CLDN16: variants seen among roughly 807,000 people sequenced by gnomAD.
CLDN16 encodes the protein claudin 16, also known as claudin-16.
In CLDN16, 13 loss-of-function variants were observed where a neutral mutation model predicts 24.6. The observed-to-expected ratio is 0.53, with a 90% CI of 0.34 to 0.84. CLDN16 has a LOEUF of 0.84. CLDN16 is among the 40% of genes least tolerant of loss of function. The pLI, the probability that CLDN16 is intolerant of heterozygous loss-of-function variation, is 0.01. For synonymous variants in CLDN16, 116 were observed against 106.7 expected, an observed-to-expected ratio of 1.09 and a Z score of -0.54; for missense variants, 298 against 292.7, an observed-to-expected ratio of 1.02 and a Z score of -0.13.
At chr3:190,384,085 A>G (rs902902415), upstream of CLDN16, among the ~76,000 whole-genome samples, 1 of 152,188 alleles carries the variant, frequency 6.6e-6, no homozygotes, top group Non-Finnish European at 1.5e-5. Flanking sequence ...AGTCAGCCTG[A>G]CTATGAGGTC....
intron 1 of CLDN16, among the ~76,000 whole-genome samples, chr3:190,327,001 G>A: frequency 6.6e-6 from 1 of 152,062 alleles, no homozygotes; most frequent in East Asian, 1.9e-4. Flanking sequence ...TTATTAGTGG[G>A]AGTTCTCCAA....
the CLDN16 span, among the ~76,000 whole-genome samples, chr3:190,291,056 T>G: frequency 6.6e-6 from 1 of 152,148 alleles, no homozygotes; most frequent in Non-Finnish European, 1.5e-5. Context: ...AGGTGACATT[T>G]GAGCATAATG....
chr3:190,331,043 G>A (rs1560079936), intron 1 of CLDN16, among the ~76,000 whole-genome samples: 1 of 152,146 alleles, frequency 6.6e-6, no homozygotes, highest in African/African-American at 2.4e-5. Context: ...AGGACAGAGT[G>A]CAACATTGCA....
the CLDN16 span, among the ~76,000 whole-genome samples, chr3:190,292,104 G>A: frequency 3.3e-5 from 5 of 152,098 alleles, no homozygotes; most frequent in African/African-American, 1.2e-4. Context: ...CTCTGTGTGG[G>A]GCCTCCAACC....
chr3:190,292,286 C>T, the CLDN16 span, among the ~76,000 whole-genome samples: 21 of 152,318 alleles, frequency 1.4e-4, no homozygotes, highest in East Asian at 1.9e-4. Context: ...CACAACAGCA[C>T]GTGAAAGTCA....
At chr3:190,322,063 C>T, upstream of CLDN16, 1 of 1,614,198 alleles carries the variant, frequency 6.2e-7, no homozygotes, top group Non-Finnish European at 8.5e-7. Context: ...TCCACAGCCC[C>T]TCGTACATGG....
At chr3:190,341,839 C>G (rs182490629) in intron 1 of CLDN16, among the ~76,000 whole-genome samples, 1 of 152,268 alleles carries the variant, frequency 6.6e-6, no homozygotes, top group Admixed American at 6.5e-5. Flanking sequence ...TTAAAAATTT[C>G]TTTCACCGGA....
chr3:190,359,005 G>C lies in CLDN16; in HGVS notation n.122-11888G>C, dbSNP rs115697026. Among the ~76,000 whole-genome samples the C allele has an allele frequency of 2.7e-3, 406 of 151,990 alleles. 4 individuals carry two copies. The highest frequency in any genetic ancestry group is 9.5e-3 in the African/African-American group (396 of 41,518). On this transcript the variant is annotated intron_variant and non_coding_transcript_variant, in intron 1 of 4. Transcript: ENST00000468220. ...AATAAAATTATTCAAATTGCAGAAGGCTTCATTCTGGGCTTTCTGATATTC... is the reference window on the plus strand; with the variant it reads ...AATAAAATTATTCAAATTGCAGAAGCCTTCATTCTGGGCTTTCTGATATTC...
intron 1 of CLDN16, among the ~76,000 whole-genome samples, chr3:190,335,666 C>T (rs1343840411): frequency 7.6e-6 from 1 of 132,340 alleles, no homozygotes; most frequent in South Asian, 2.4e-4. Flanking sequence ...GAGCCGAGAT[C>T]GTGCCACTGC....
chr3:190,316,543 T>C, the CLDN16 span, among the ~76,000 whole-genome samples: 2 of 152,234 alleles, frequency 1.3e-5, no homozygotes, highest in Non-Finnish European at 2.9e-5. Context: ...AAGTGTTTTA[T>C]GTGCAGATCA....
rs57246894 is a variant in CLDN16, at chr3:190,348,335, A to ATGTGTGTGTGTG, written n.122-22539_122-22528dup. Among the ~76,000 whole-genome samples, 195 of 138,444 alleles carry ATGTGTGTGTGTG rather than the reference A, an allele frequency of 1.4e-3. 1 individual carries two copies. The highest frequency in any genetic ancestry group is 2.4e-3 in the Non-Finnish European group (152 of 64,514). The allele number at this position is 138,444 out of a possible 152,430, so 90.8% of individuals were successfully genotyped here. Reference sequence around the variant, plus strand: ...TGTCAAGGAAGACAGCAAGACTGCAATGTGTGTGTGTGTGTGTGTGTGTGT... The same window carrying ATGTGTGTGTGTG: ...TGTCAAGGAAGACAGCAAGACTGCAATGTGTGTGTGTGTGTGTGTGTGTGTGTGTGTGTGTGT... On this transcript the variant is annotated intron_variant and non_coding_transcript_variant, in intron 1 of 4. Coordinates refer to the CLDN16 transcript ENST00000468220.
the CLDN16 span, among the ~76,000 whole-genome samples, chr3:190,298,348 T>TACACACACAC: frequency 0.11 from 16,457 of 147,832 alleles, 988 homozygotes; most frequent in East Asian, 0.16. Flanking sequence ...ATGTATATTA[T>TACACACACAC]ACACACACAC....
chr3:190,370,395 T>A (rs2108646880), intron 1 of CLDN16, among the ~76,000 whole-genome samples: 1 of 152,114 alleles, frequency 6.6e-6, no homozygotes, highest in Admixed American at 6.6e-5. Context: ...ACTTAGTATT[T>A]TCCAAACAAA....
chr3:190,298,178 T>A, the CLDN16 span, among the ~76,000 whole-genome samples: 1 of 152,178 alleles, frequency 6.6e-6, no homozygotes, highest in Non-Finnish European at 1.5e-5. Context: ...ATATAATGAA[T>A]ACCTATGAAC....
chr3:190,317,506 A>G, the CLDN16 span, among the ~76,000 whole-genome samples: 2 of 152,244 alleles, frequency 1.3e-5, no homozygotes, highest in South Asian at 4.1e-4. Context: ...ACAAATGTGT[A>G]GAAAGACAGA....
At chr3:190,318,372 CT>C (rs1716825379), upstream of CLDN16, among the ~76,000 whole-genome samples, 1 of 152,198 alleles carries the variant, frequency 6.6e-6, no homozygotes, top group South Asian at 2.1e-4. Flanking sequence ...GCCTCTTCCC[CT>C]TCAATCACTG....
chr3:190,303,894 CA>C, the CLDN16 span, among the ~76,000 whole-genome samples: 1 of 79,324 alleles, frequency 1.3e-5, no homozygotes, highest in African/African-American at 1.0e-4. Context: ...CCACAAAACA[CA>C]AAAAAAAGCC....
At chr3:190,319,907 G>A (rs533225401), upstream of CLDN16, among the ~76,000 whole-genome samples, 9 of 152,218 alleles carry the variant, frequency 5.9e-5, 1 homozygote, top group South Asian at 1.4e-3. Flanking sequence ...CGTGAGTCAC[G>A]GCAGGTGAGA....
rs1422234787 is a variant in CLDN16, at chr3:190,398,367, C to T, written c.115-3970C>T. Reference sequence around the variant, plus strand: ...TGGAAGAATCCGTTCTTAGCCTCTTCCAGCTTCTGGTGGCTGTAGGCATTC... The same window carrying T: ...TGGAAGAATCCGTTCTTAGCCTCTTTCAGCTTCTGGTGGCTGTAGGCATTC... On this transcript the variant is annotated intron_variant, in intron 1 of 4. Transcript: ENST00000264734. Among the ~76,000 whole-genome samples the T allele has an allele frequency of 2.6e-5, 4 of 152,196 alleles. No individual in the cohort carries two copies. The East Asian group carries it at 7.7e-4, about 29-fold the overall frequency.
Sources: gnomAD v4.1 joint callset for allele counts (sites outside exome capture counted in the v4.1 genomes callset) on GRCh38, gnomAD v4.1.1 for gene constraint, MANE v1.5 for transcripts, NCBI Gene and HGNC (gene_info 2026-07-23, HGNC 2026-07-21) for gene names.